CSGALNACT1: variants seen among roughly 807,000 people sequenced by gnomAD.
CSGALNACT1 encodes the protein chondroitin sulfate N-acetylgalactosaminyltransferase 1, also known as beta4GalNAcT-1.
Under a neutral mutation model 51.0 loss-of-function variants are expected in CSGALNACT1, and 52 were observed. The observed-to-expected ratio is 1.02, with a 90% confidence interval of 0.82 to 1.29. The LOEUF is 1.29. Among genes scored for constraint, CSGALNACT1 ranks in the 50% most tolerant of loss-of-function variants. The probability of loss-of-function intolerance (pLI) is 0.00; values close to 1 mark genes in which losing one functional copy is unlikely to be tolerated. For missense variants in CSGALNACT1, 935 were observed against 679.2 expected, an observed-to-expected ratio of 1.38 and a Z score of -4.19; for synonymous variants, 341 against 254.4, an observed-to-expected ratio of 1.34 and a Z score of -3.24.
In CSGALNACT1 at chr8:19,457,723, C is replaced by T. The variant is rs745780946; in HGVS notation, c.851+703G>A. ...AAATCACTTAGCTGGTTATCCTCAGCCAATATGTGCATCTGAGCCATCACA... is the reference window on the plus strand; with the variant it reads ...AAATCACTTAGCTGGTTATCCTCAGTCAATATGTGCATCTGAGCCATCACA... On this transcript the variant is annotated intron_variant, in intron 5 of 9. Coordinates refer to ENST00000454498, the Ensembl canonical transcript of CSGALNACT1. 6 of 1,342,502 alleles carry T rather than the reference C, an allele frequency of 4.5e-6. No homozygotes were observed. In the Admixed American group the frequency reaches 7.8e-5, roughly 17 times the overall value. 83.2% of individuals were successfully genotyped at this position (1,342,502 alleles called of 1,614,324 possible).
intron 1 of CSGALNACT1, among the ~76,000 whole-genome samples, chr8:19,616,304 C>A (rs186168686): frequency 1.1e-4 from 17 of 152,152 alleles, no homozygotes; most frequent in African/African-American, 3.1e-4. Flanking sequence ...CCAAGATAAA[C>A]GAAAACATGG....
upstream of CSGALNACT1, chr8:19,682,886 G>A (rs1010158925): frequency 9.0e-5 from 33 of 365,320 alleles, no homozygotes; most frequent in East Asian, 8.9e-4. Context: ...ACTGCAGACC[G>A]CTGTCAAGCA....
intron 9 of CSGALNACT1, among the ~76,000 whole-genome samples, chr8:19,406,450 T>G (rs538329759): frequency 8.4e-4 from 128 of 152,134 alleles, no homozygotes; most frequent in African/African-American, 2.9e-3. Flanking sequence ...TAGCTATTGT[T>G]AACAATTTAT....
intron 3 of CSGALNACT1, among the ~76,000 whole-genome samples, chr8:19,533,109 G>T (rs961172967): frequency 6.6e-6 from 1 of 151,338 alleles, no homozygotes; most frequent in South Asian, 2.1e-4. Flanking sequence ...GCAGTTTGAC[G>T]TTTTTGTTTT....
intron 1 of CSGALNACT1, among the ~76,000 whole-genome samples, chr8:19,736,578 T>C (rs576500384): frequency 1.4e-4 from 22 of 151,948 alleles, no homozygotes; most frequent in African/African-American, 5.3e-4. Context: ...CAAAAAGCCA[T>C]TAACTGAACA....
At chr8:19,475,543 C>T (rs1226128634) in intron 4 of CSGALNACT1, among the ~76,000 whole-genome samples, 1 of 152,184 alleles carries the variant, frequency 6.6e-6, no homozygotes, top group Non-Finnish European at 1.5e-5. Flanking sequence ...CCACACTTCC[C>T]TCCACAACCT....
intron 6 of CSGALNACT1, among the ~76,000 whole-genome samples, chr8:19,435,866 C>T (rs2060292763): frequency 6.6e-6 from 1 of 152,136 alleles, no homozygotes; most frequent in Non-Finnish European, 1.5e-5. Flanking sequence ...ATATATTACG[C>T]ATCCTTATGC....
At chr8:19,637,847 T>TC (rs1226496624) in intron 1 of CSGALNACT1, among the ~76,000 whole-genome samples, 1 of 151,762 alleles carries the variant, frequency 6.6e-6, no homozygotes, top group East Asian at 1.9e-4. Context: ...CAGTTTTTTT[T>TC]TTTTTTTTTA....
intron 4 of CSGALNACT1, among the ~76,000 whole-genome samples, chr8:19,461,074 A>G (rs1489690927): frequency 1.3e-5 from 2 of 152,294 alleles, no homozygotes; most frequent in African/African-American, 4.8e-5. Flanking sequence ...GGAAGCCTTC[A>G]CCAATGCGTT....
At chr8:19,602,174 C>A in exon 1 of CSGALNACT1, 1 of 204,216 alleles carries the variant, frequency 4.9e-6, no homozygotes, top group Non-Finnish European at 1.0e-5. Context: ...AGGAAAGAAA[C>A]GTGCCCAGCT....
intron 3 of CSGALNACT1, among the ~76,000 whole-genome samples, chr8:19,579,299 G>A (rs1318535752): frequency 6.6e-6 from 1 of 152,124 alleles, no homozygotes; most frequent in African/African-American, 2.4e-5. Flanking sequence ...AGCCTCACTG[G>A]CATCTTTTCA....
At chr8:19,681,486 G>A (rs2060616455) in intron 1 of CSGALNACT1, among the ~76,000 whole-genome samples, 1 of 152,130 alleles carries the variant, frequency 6.6e-6, no homozygotes, top group Admixed American at 6.6e-5. Flanking sequence ...GGGGACCTAG[G>A]GACCTGGGAG....
At position 19,522,979 on chromosome 8, in the gene CSGALNACT1, C is replaced by T. The variant is rs115567082; in HGVS notation, c.-296-16849G>A. On this transcript the variant is annotated intron_variant, in intron 3 of 9. Transcript: ENST00000454498. ...TATAACAAGGCTCAGTTCAAGGCTG[C>T]CTAGGAGAGGCATAAAATGCCTCCA... Among the ~76,000 whole-genome samples, 1,151 of 152,296 alleles carry T rather than the reference C, an allele frequency of 7.6e-3. 14 individuals carry two copies. Among genetic ancestry groups the T allele is most frequent in the African/African-American group, 0.026 (1,090 of 41,542 alleles).
chr8:19,655,109 C>T (rs1020284891), intron 1 of CSGALNACT1, among the ~76,000 whole-genome samples: 3 of 152,096 alleles, frequency 2.0e-5, no homozygotes, highest in Non-Finnish European at 4.4e-5. Flanking sequence ...CCTAATCGCT[C>T]TTTGGAAAAT....
At chr8:19,710,115 T>C (rs1158964196) in intron 1 of CSGALNACT1, among the ~76,000 whole-genome samples, 1 of 152,210 alleles carries the variant, frequency 6.6e-6, no homozygotes, top group Non-Finnish European at 1.5e-5. Context: ...ACCAGTTTCA[T>C]CCGTATCCCT....
chr8:19,427,165 G>T (rs766612743), intron 6 of CSGALNACT1, among the ~76,000 whole-genome samples: 5 of 152,104 alleles, frequency 3.3e-5, no homozygotes, highest in Non-Finnish European at 5.9e-5. Context: ...AGTTTCTTTA[G>T]GAACTTCATT....
intron 2 of CSGALNACT1, among the ~76,000 whole-genome samples, chr8:19,597,285 C>CTTTTTTTTTTTTTTTTTTT (rs35177349): frequency 3.9e-4 from 25 of 64,566 alleles, no homozygotes; most frequent in African/African-American, 1.5e-3. Context: ...TATCTTCTTT[C>CTTTTTTTTTTTTTTTTTTT]TTTTTTTTTT....
chr8:19,450,806 A>C (rs2063046910), intron 5 of CSGALNACT1, among the ~76,000 whole-genome samples: 1 of 151,792 alleles, frequency 6.6e-6, no homozygotes, highest in South Asian at 2.1e-4. Context: ...GCTACTCAGG[A>C]GTCTGAGGGG....
chr8:19,427,126 T>C (rs889909079), intron 6 of CSGALNACT1, among the ~76,000 whole-genome samples: 2 of 152,236 alleles, frequency 1.3e-5, no homozygotes, highest in African/African-American at 2.4e-5. Flanking sequence ...ATTGCCTAGA[T>C]TCTGAGCTTC....
Sources: allele counts gnomAD v4.1 joint callset (sites outside exome capture counted in the v4.1 genomes callset), GRCh38; gene constraint gnomAD v4.1.1; transcripts MANE v1.5; gene names NCBI Gene and HGNC (gene_info 2026-07-23, HGNC 2026-07-21).